PDE10A: variants seen among roughly 807,000 people sequenced by gnomAD.
PDE10A encodes cAMP and cAMP-inhibited cGMP 3',5'-cyclic phosphodiesterase 10A.
In PDE10A, 39 loss-of-function variants were observed where a neutral mutation model predicts 97.7. That is an observed-to-expected ratio of 0.40 (90% CI 0.31 to 0.52). The LOEUF (loss-of-function observed/expected upper bound fraction) is 0.52. Among genes scored for constraint, PDE10A ranks in the 20% least tolerant of loss-of-function variants. PDE10A has a pLI of 0.56. For synonymous variants in PDE10A, 371 were observed against 376.8 expected (o/e 0.98, Z 0.18); for missense variants, 731 against 1,047.8 (o/e 0.70, Z 4.17).
intron 2 of PDE10A, among the ~76,000 whole-genome samples, chr6:165,530,319 C>A (rs1317378371): frequency 2.0e-5 from 3 of 150,838 alleles, no homozygotes; most frequent in African/African-American, 7.3e-5. Flanking sequence ...CCTATTAGTT[C>A]TGTCCCTCTA....
chr6:165,775,904 G>C (rs1480032152), intron 1 of PDE10A: 3 of 152,202 alleles, frequency 2.0e-5, no homozygotes, highest in Admixed American at 2.0e-4. Flanking sequence ...AAAATGGCCA[G>C]TAACTGAATT....
At chr6:165,588,518 C>T (rs917270165) in intron 1 of PDE10A, among the ~76,000 whole-genome samples, 4 of 151,634 alleles carry the variant, frequency 2.6e-5, no homozygotes, top group Non-Finnish European at 5.9e-5. Flanking sequence ...CTCGAACTCC[C>T]GACCTCAGGT....
intron 2 of PDE10A, among the ~76,000 whole-genome samples, chr6:165,515,489 TAC>T (rs60583870): frequency 0.062 from 9,144 of 147,986 alleles, 325 homozygotes; most frequent in African/African-American, 0.099. Flanking sequence ...ATTTATAGTA[TAC>T]ACACACACAC....
At chr6:165,911,955 T>A (rs373482730) in intron 1 of PDE10A, among the ~76,000 whole-genome samples, 2 of 152,270 alleles carry the variant, frequency 1.3e-5, no homozygotes, top group African/African-American at 4.8e-5. Flanking sequence ...TTCAGGTGGA[T>A]ATGAAGAATC....
At position 165,328,000 on chromosome 6, in the gene PDE10A, C is replaced by T. The variant is rs1029583808; in HGVS notation, c.*5025G>A. ...CATTTGTTCATGTAAAGAAAACCAT[C>T]TTGTCTTCTCAGAAAGAATGAAGAT... On this transcript the variant is annotated 3_prime_UTR_variant, in exon 22 of 22. Coordinates refer to ENST00000539869, the MANE Select transcript of PDE10A (RefSeq NM_001385079.1). The T allele has an allele frequency of 3.9e-5, 6 of 152,184 alleles. No homozygotes were observed. Among genetic ancestry groups the T allele is most frequent in the Admixed American group, 3.3e-4 (5 of 15,276 alleles). 9.4% of individuals were successfully genotyped at this position (152,184 alleles called of 1,614,324 possible). A position where few individuals can be genotyped will look rare whatever the true frequency, so the allele number is the denominator to read the frequency against.
At chr6:165,635,489 G>GT (rs1788831870) in intron 1 of PDE10A, among the ~76,000 whole-genome samples, 2 of 152,166 alleles carry the variant, frequency 1.3e-5, no homozygotes, top group Non-Finnish European at 2.9e-5. Context: ...GTGTGTGTGG[G>GT]TGTGTGTGCA....
At chr6:165,698,671 G>A (rs781145051) in intron 1 of PDE10A, among the ~76,000 whole-genome samples, 45 of 152,122 alleles carry the variant, frequency 3.0e-4, no homozygotes, top group Non-Finnish European at 4.6e-4. Context: ...CCAACATGTT[G>A]AAACCCCATC....
At chr6:165,657,611 A>G (rs1790032319) in intron 1 of PDE10A, among the ~76,000 whole-genome samples, 1 of 152,244 alleles carries the variant, frequency 6.6e-6, no homozygotes. Flanking sequence ...TGGAGTGGAA[A>G]AAGTTTTACA....
At chr6:165,610,962 A>ACT (rs1232819956) in intron 1 of PDE10A, among the ~76,000 whole-genome samples, 42 of 152,198 alleles carry the variant, frequency 2.8e-4, no homozygotes, top group Non-Finnish European at 7.4e-5. Context: ...AGTCTACCTT[A>ACT]AAAGCCTTCC....
chr6:165,443,529 C>T (rs1020352782), intron 5 of PDE10A, among the ~76,000 whole-genome samples: 3 of 152,188 alleles, frequency 2.0e-5, no homozygotes, highest in African/African-American at 7.2e-5. Flanking sequence ...GTTGGTGGAT[C>T]TACCATTCTA....
At chr6:165,963,974 A>T (rs951031562) in intron 1 of PDE10A, among the ~76,000 whole-genome samples, 1 of 152,228 alleles carries the variant, frequency 6.6e-6, no homozygotes, top group African/African-American at 2.4e-5. Flanking sequence ...CAGCGGCAAC[A>T]TCAAAGCTCT....
chr6:165,444,516 A>C (rs1172231257), intron 5 of PDE10A, among the ~76,000 whole-genome samples: 1 of 152,128 alleles, frequency 6.6e-6, no homozygotes, highest in African/African-American at 2.4e-5. Flanking sequence ...TTTGCTTCAG[A>C]AACTTCAATG....
chr6:165,907,369 G>A (rs1037599100), intron 1 of PDE10A, among the ~76,000 whole-genome samples: 2 of 152,212 alleles, frequency 1.3e-5, no homozygotes, highest in Non-Finnish European at 2.9e-5. Flanking sequence ...GTGAGGGGTG[G>A]GCGAGAGCCT....
intron 3 of PDE10A, among the ~76,000 whole-genome samples, chr6:165,455,783 AC>A (rs1777918849): frequency 6.6e-6 from 1 of 152,250 alleles, no homozygotes; most frequent in Non-Finnish European, 1.5e-5. Flanking sequence ...TGCACACTTG[AC>A]CATAGTAAGT....
chr6:165,987,940 C>T (rs1785275134), exon 1 of PDE10A: 1 of 375,606 alleles, frequency 2.7e-6, no homozygotes, highest in South Asian at 2.0e-5. Flanking sequence ...GGACTCAGAC[C>T]TCTCTCTTTA....
Position 165,662,120 on chromosome 6 carries a change from G to A in PDE10A, c.692C>T (p.Pro231Leu). 1 of 981,924 alleles carries A rather than the reference G, an allele frequency of 1.0e-6. No individual in the cohort carries two copies. The allele number at this position is 981,924 out of a possible 1,614,324, so 60.8% of individuals were successfully genotyped here. Residue 231 changes from proline to leucine, a missense_variant, in exon 1 of 22, where the codon CCC becomes CTC. Pro to Leu is a moderately conservative substitution (Grantham distance 98, BLOSUM62 -3). This residue lies in a region of PDE10A where 181 missense variants were observed against 159.1 expected (regional missense o/e 1.14). Transcript: ENST00000539869. ...GCCTGGGCCGGCGCCGGGGAAGCCG[G>A]GGGAGCCCGCGCGGCGGGCGGCCTG... is the stretch of plus-strand genomic sequence containing the variant. The part of the protein sequence containing the change: ...LGQAARRAGS[P>L]GFPGAGPGGG...
intron 1 of PDE10A, among the ~76,000 whole-genome samples, chr6:165,656,231 C>T (rs1473407405): frequency 1.4e-5 from 2 of 143,550 alleles, no homozygotes; most frequent in African/African-American, 5.2e-5. Flanking sequence ...CCCATTCCAA[C>T]CCCAACTCTC....
rs542164225 is a variant in PDE10A at position 165,689,545 on chromosome 6, TTC to T, written c.-614-145979_-614-145978del. On this transcript the variant is annotated intron_variant, in intron 1 of 19. Transcript: ENST00000366882. The stretch of plus-strand genomic sequence containing the variant: ...TGCTGTCCCTGTGGTGGTAAGTGAG[TTC>T]TCGTTCTGTTAGTTCACGTGAGATC... Among the ~76,000 whole-genome samples, 15 of 152,162 alleles carry T rather than the reference TTC, an allele frequency of 9.9e-5. No homozygotes were observed. In the East Asian group the frequency reaches 2.9e-3, roughly 29 times the overall value.
intron 1 of PDE10A, among the ~76,000 whole-genome samples, chr6:165,643,241 G>A (rs1277167822): frequency 6.7e-6 from 1 of 149,608 alleles, no homozygotes; most frequent in African/African-American, 2.5e-5. Context: ...GTGGGTGGGT[G>A]GGTGGATGGA....
Sources: gnomAD v4.1 joint callset for allele counts (sites outside exome capture counted in the v4.1 genomes callset) on GRCh38, gnomAD v4.1.1 for gene constraint, gnomAD v4.1.1 regional missense constraint, MANE v1.5 for transcripts, NCBI Gene and HGNC (gene_info 2026-07-23, HGNC 2026-07-21) for gene names.